The following AKAP9 variants were observed in gnomAD, a reference collection of about 807,000 sequenced individuals.
AKAP9 encodes the protein A-kinase anchor protein 9.
Under a neutral mutation model 488.5 loss-of-function variants are expected in AKAP9, and 311 were observed. The ratio of observed to expected loss-of-function variants is 0.64; its 90% CI spans 0.58 to 0.70. The LOEUF (loss-of-function observed/expected upper bound fraction) is 0.70, where lower values mean the gene tolerates loss of function less well. AKAP9 is among the 30% of genes least tolerant of loss of function. AKAP9 has a pLI of 0.00. For synonymous variants in AKAP9, 1,462 were observed against 1,483.5 expected, an observed-to-expected ratio of 0.99 and a Z score of 0.33; for missense variants, 4,215 against 4,374.5, an observed-to-expected ratio of 0.96 and a Z score of 1.03.
chr7:92,086,621 A>G (rs1261456982), intron 37 of AKAP9, among the ~76,000 whole-genome samples: 1 of 152,200 alleles, frequency 6.6e-6, no homozygotes, highest in East Asian at 1.9e-4. Context: ...TAACCTAGGA[A>G]ATTAGAAAAA....
At chr7:91,992,338 A>G in intron 4 of AKAP9, 127 bp downstream of exon 4, 1 of 802,230 alleles carries the variant, frequency 1.2e-6, no homozygotes, top group Non-Finnish European at 2.2e-6. Context: ...TTTAATGTTT[A>G]CTAAAACAAA....
chr7:91,992,744 C>A, intron 4 of AKAP9, 141 bp from the exon 5 acceptor site: 6 of 672,886 alleles, frequency 8.9e-6, no homozygotes, highest in South Asian at 3.4e-5. Context: ...AATATGTTAA[C>A]GAAGTAGGTT....
chr7:92,102,737 A>C lies in AKAP9; in HGVS notation c.11241A>C (p.Pro3747=). The change falls in exon 46 of 50, where the codon CCA becomes CCC. Residue 3747 remains proline (P), a synonymous_variant. Transcript: ENST00000356239. ...TGCTTGCCCGGATGGGGGGGCAGCC[A>C]GCTTTCACGGATCTAGAGGTGATCA... ...LALLARMGGQ[P]AFTDLEVITN... 1 of 1,614,222 alleles carries C rather than the reference A, an allele frequency of 6.2e-7. No individual in the cohort carries two copies. Among genetic ancestry groups the C allele is most frequent in the South Asian group, 1.1e-5 (1 of 91,090 alleles).
intron 12 of AKAP9, among the ~76,000 whole-genome samples, chr7:92,021,789 TTACTG>T (rs1802348661): frequency 6.6e-6 from 1 of 152,224 alleles, no homozygotes; most frequent in Non-Finnish European, 1.5e-5. Context: ...TTCTTTTTGT[TTACTG>T]TACAGAGCAC....
intron 40 of AKAP9, among the ~76,000 whole-genome samples, 182 bp downstream of exon 40, chr7:92,095,355 T>G (rs113904276): frequency 4.6e-5 from 7 of 152,170 alleles, no homozygotes; most frequent in African/African-American, 1.7e-4. Flanking sequence ...TGGTGATTGG[T>G]TTTTTTTGTT....
At position 92,086,419 on chromosome 7, in the gene AKAP9, A is replaced by G. The variant is rs969130822; in HGVS notation, c.9213+3A>G. The G allele has an allele frequency of 6.2e-7, 1 of 1,608,514 alleles. No homozygotes were observed. The highest frequency in any genetic ancestry group is 1.3e-5 in the African/African-American group (1 of 74,858). ...TGGAACAGAGAATACAAGAACAGGT[A>G]TAATGAAACTTCATTTTAAAAACAC... On this transcript the variant is annotated splice_donor_region_variant and intron_variant, in intron 37 of 49. Coordinates refer to ENST00000356239, the MANE Select transcript of AKAP9 (RefSeq NM_005751.5).
chr7:92,096,742 A>G lies in AKAP9; in HGVS notation c.9783A>G (p.Leu3261=). 1 of 1,614,202 alleles carries G rather than the reference A, an allele frequency of 6.2e-7. No homozygotes were observed. Among genetic ancestry groups the G allele is most frequent in the Non-Finnish European group, 8.5e-7 (1 of 1,180,010 alleles). ...AACAAAGGAATCTTCAGCTAAATCT[A>G]CTTTTGGAACAACAGAAACAACTAC... ...SQKQRNLQLN[L]LLEQQKQLLN... is the part of the protein sequence containing the mutation. Residue 3261 remains leucine (L), a synonymous_variant, in exon 41 of 50, where the codon CTA becomes CTG. Coordinates refer to ENST00000356239, the MANE Select transcript of AKAP9 (RefSeq NM_005751.5).
At chr7:91,988,922 A>G (rs1287065891) in intron 3 of AKAP9, among the ~76,000 whole-genome samples, 1 of 152,186 alleles carries the variant, frequency 6.6e-6, no homozygotes, top group African/African-American at 2.4e-5. Context: ...ACATTAGGTG[A>G]AATACAGTTA....
intron 14 of AKAP9, among the ~76,000 whole-genome samples, chr7:92,028,816 T>G (rs1380021014): frequency 6.6e-6 from 1 of 152,216 alleles, no homozygotes; most frequent in Non-Finnish European, 1.5e-5. Context: ...AAGATTTTAT[T>G]ATGTAGAAAC....
chr7:92,108,513 G>C lies in AKAP9; in HGVS notation c.11566G>C (p.Asp3856His). 6.2e-7 allele frequency: 1 copy of C among 1,614,104 alleles called. No individual in the cohort carries two copies. The highest frequency in any genetic ancestry group is 8.5e-7 in the Non-Finnish European group (1 of 1,179,994). Residue 3856 changes from aspartate (D) to histidine (H), a missense_variant, in exon 49 of 50, where the codon GAT (aspartate) becomes CAT (histidine). Physicochemically the swap from Asp to His is moderately conservative, Grantham distance 81 (BLOSUM62 -1). Around this residue, in one of 5 missense-constraint regions of AKAP9, gnomAD observed 253 missense variants for 266.8 expected, o/e 0.95. Transcript: ENST00000356239. The part of the protein sequence containing the change: ...FQNRYPGTPA[D>H]FNPGSLACSQ... ...CTTTAGGTACCCAGGCACTCCAGCTGATTTCAATCCTGGTTCTTTAGCATG... is the reference window on the plus strand; with the variant it reads ...CTTTAGGTACCCAGGCACTCCAGCTCATTTCAATCCTGGTTCTTTAGCATG...
chr7:91,974,982 C>T (rs1795481187), intron 2 of AKAP9, among the ~76,000 whole-genome samples: 2 of 151,754 alleles, frequency 1.3e-5, no homozygotes, highest in South Asian at 4.2e-4. Flanking sequence ...TCCTGAGTAG[C>T]TGGGACCACA....
intron 26 of AKAP9, among the ~76,000 whole-genome samples, chr7:92,068,954 C>T (rs1400753183): frequency 1.3e-5 from 2 of 152,118 alleles, no homozygotes; most frequent in Non-Finnish European, 2.9e-5. Context: ...CCTCACTTTC[C>T]ATACAGTACA....
At chr7:92,070,314 A>C in intron 27 of AKAP9, 108 bp downstream of exon 27, 1 of 1,210,586 alleles carries the variant, frequency 8.3e-7, no homozygotes, top group Non-Finnish European at 1.2e-6. Flanking sequence ...ATCTCTGTTG[A>C]CATTGTAACC....
At position 92,070,136 on chromosome 7, in the gene AKAP9, T is replaced by C; in HGVS notation, c.6437T>C (p.Ile2146Thr). 2 of 1,614,004 alleles carry C rather than the reference T, an allele frequency of 1.2e-6. No individual in the cohort carries two copies. Among genetic ancestry groups the C allele is most frequent in the Non-Finnish European group, 1.7e-6 (2 of 1,179,980 alleles). The change falls in exon 27 of 50, where the codon ATA becomes ACA. Residue 2146 changes from isoleucine (I) to threonine (T), a missense_variant. This residue lies in a region of AKAP9 where 2,361 missense variants were observed against 2,430.0 expected (regional missense o/e 0.97). Transcript: ENST00000356239. ...QRDIQERNEE[I>T]EKLEFRVREL... ...GATATACAAGAAAGGAATGAAGAAATAGAGAAACTGGAGTTCAGAGTAAGA... is the reference window on the plus strand; with the variant it reads ...GATATACAAGAAAGGAATGAAGAAACAGAGAAACTGGAGTTCAGAGTAAGA...
rs781242600 is a variant in AKAP9 at position 92,095,124 on chromosome 7, A to G, written c.9680A>G (p.Glu3227Gly). 3.1e-6 allele frequency: 5 copies of G among 1,614,220 alleles called. No individual in the cohort carries two copies. The highest frequency in any genetic ancestry group is 3.4e-6 in the Non-Finnish European group (4 of 1,180,024). ...GAGCTCCAGTGGGCTTTGGAGAAAGAGAAAGCCAAGTTGGGACGCAGTGAA... is the reference window on the plus strand; with the variant it reads ...GAGCTCCAGTGGGCTTTGGAGAAAGGGAAAGCCAAGTTGGGACGCAGTGAA... ...SRELQWALEKEKAKLGRSEER... is the reference protein window; with the variant it reads ...SRELQWALEKGKAKLGRSEER... The change falls in exon 40 of 50, where the codon GAG (glutamate) becomes GGG (glycine). Residue 3227 changes from glutamate (E) to glycine (G), a missense_variant. Glu to Gly is a moderately conservative substitution (Grantham distance 98). Coordinates refer to ENST00000356239, the MANE Select transcript of AKAP9 (RefSeq NM_005751.5).
rs1193289616 is a variant in AKAP9 at position 91,995,669 on chromosome 7, A to G, written c.799A>G (p.Lys267Glu). ...CACAGCTGCAGACTTACTACAAGCC[A>G]AACAACAGATCCTCACTCATCAACA... ...SSTAADLLQA[K>E]QQILTHQQQL... is the part of the protein sequence containing the mutation. Residue 267 changes from lysine to glutamate, a missense_variant, in exon 7 of 50, where the codon AAA (lysine) becomes GAA (glutamate). Lys to Glu is a moderately conservative substitution (Grantham distance 56). Coordinates refer to ENST00000356239, the MANE Select transcript of AKAP9 (RefSeq NM_005751.5). 6.2e-7 allele frequency: 1 copy of G among 1,614,038 alleles called. No homozygotes were observed.
chr7:92,029,780 G>GA (rs34228558), intron 14 of AKAP9, 115 bp from the exon 15 acceptor site: 2 of 810,154 alleles, frequency 2.5e-6, no homozygotes, highest in Non-Finnish European at 4.4e-6. Flanking sequence ...TATAACCCTA[G>GA]ACTCATTTTT....
At chr7:92,054,556 G>A (rs903363159) in intron 22 of AKAP9, among the ~76,000 whole-genome samples, 1 of 152,028 alleles carries the variant, frequency 6.6e-6, no homozygotes, top group Non-Finnish European at 1.5e-5. Context: ...AGATGTTTAA[G>A]ATGAGTTATT....
chr7:92,099,787 A>G lies in AKAP9; in HGVS notation c.10814A>G (p.Glu3605Gly). 1 of 1,614,142 alleles carries G rather than the reference A, an allele frequency of 6.2e-7. No individual in the cohort carries two copies. Among genetic ancestry groups the G allele is most frequent in the Non-Finnish European group, 8.5e-7 (1 of 1,179,972 alleles). ...GGGCATATCAGTCAACTGACTGAAG[A>G]GAAGAATGACTTAAGGAACATGGTT... The part of the protein sequence containing the change: ...LTGHISQLTE[E>G]KNDLRNMVMK... Residue 3605 changes from glutamate to glycine, a missense_variant, in exon 44 of 50, where the codon GAG becomes GGG. Around this residue, in one of 5 missense-constraint regions of AKAP9, gnomAD observed 74 missense variants for 113.0 expected, o/e 0.65. Coordinates refer to ENST00000356239, the MANE Select transcript of AKAP9 (RefSeq NM_005751.5).
Sources: gnomAD v4.1 joint callset for allele counts (sites outside exome capture counted in the v4.1 genomes callset) on GRCh38, gnomAD v4.1.1 for gene constraint, gnomAD v4.1.1 regional missense constraint, MANE v1.5 for transcripts, NCBI Gene and HGNC (gene_info 2026-07-23, HGNC 2026-07-21) for gene names.